MAGI2: variants seen among roughly 807,000 people sequenced by gnomAD.
MAGI2 encodes the protein membrane associated guanylate kinase, WW and PDZ domain containing 2.
In MAGI2, 35 loss-of-function variants were observed where a neutral mutation model predicts 133.3. The ratio of observed to expected loss-of-function variants is 0.26; its 90% CI spans 0.20 to 0.35. MAGI2 has a LOEUF of 0.35. MAGI2 is among the 10% of genes least tolerant of loss of function. The probability of loss-of-function intolerance (pLI) is 1.00; values close to 1 mark genes in which losing one functional copy is unlikely to be tolerated. For missense variants in MAGI2, 1,636 were observed against 1,863.4 expected (o/e 0.88, Z 2.25); for synonymous variants, 729 against 710.6 (o/e 1.03, Z -0.41).
At position 79,367,920 on chromosome 7, in the gene MAGI2, G is replaced by A. The variant is rs548541279; in HGVS notation, c.301+85100C>T. On this transcript the variant is annotated intron_variant, in intron 1 of 21. Transcript: ENST00000354212. ...TTCTTCAGAATTCATATCTACTTCA[G>A]ATAACAAGGGCTGAATAGAGCCCCA... is the stretch of plus-strand genomic sequence containing the variant. Among the ~76,000 whole-genome samples the A allele has an allele frequency of 5.9e-5, 8 of 136,298 alleles. No homozygotes were observed. In the South Asian group the frequency reaches 1.9e-3, roughly 33 times the overall value. The allele number at this position is 136,298 out of a possible 152,430, so 89.4% of individuals were successfully genotyped here. A position where few individuals can be genotyped will look rare whatever the true frequency, so the allele number is the denominator to read the frequency against.
intron 1 of MAGI2, among the ~76,000 whole-genome samples, chr7:79,391,532 T>TATAG (rs1554469588): frequency 1.6e-5 from 1 of 62,828 alleles, no homozygotes; most frequent in Non-Finnish European, 2.9e-5. Flanking sequence ...TATATATATA[T>TATAG]ATATAGACAT....
At chr7:78,980,770 C>T (rs182372234) in intron 2 of MAGI2, among the ~76,000 whole-genome samples, 91 of 151,360 alleles carry the variant, frequency 6.0e-4, no homozygotes, top group African/African-American at 2.1e-3. Flanking sequence ...GGTTCAGTTT[C>T]GTTTTTTGTT....
At chr7:79,174,793 AAAGT>A (rs1175343461) in intron 1 of MAGI2, among the ~76,000 whole-genome samples, 1 of 151,970 alleles carries the variant, frequency 6.6e-6, no homozygotes, top group Non-Finnish European at 1.5e-5. Context: ...TACTTTCAAA[AAAGT>A]AATTAATTAG....
chr7:78,173,386 C>T (rs2691527), intron 14 of MAGI2, among the ~76,000 whole-genome samples: 74,274 of 152,004 alleles, frequency 0.49, 18,275 homozygotes, highest in Admixed American at 0.51. Flanking sequence ...CTCCCTGTGA[C>T]TCAGTCATGC....
chr7:78,630,411 A>T (rs1418245518), intron 2 of MAGI2, among the ~76,000 whole-genome samples: 1 of 106,142 alleles, frequency 9.4e-6, no homozygotes, highest in African/African-American at 3.5e-5. Context: ...TTTTGTGTTT[A>T]ACTTTTTTTT....
rs1045559349 is a variant in MAGI2 at position 78,531,084 on chromosome 7, C to A, written c.539-9439G>T. 2.8e-4 allele frequency among the ~76,000 whole-genome samples: 42 copies of A among 151,902 alleles called. 1 individual carries two copies. The highest frequency in any genetic ancestry group is 6.6e-5 in the Admixed American group (1 of 15,248). ...AGGGAACTCAAGCAAAATGCAGATGCAAAGATATTTGGAAAACGGTACTGA... is the reference window on the plus strand; with the variant it reads ...AGGGAACTCAAGCAAAATGCAGATGAAAAGATATTTGGAAAACGGTACTGA... On this transcript the variant is annotated intron_variant, in intron 3 of 21. Coordinates refer to ENST00000354212, the MANE Select transcript of MAGI2 (RefSeq NM_012301.4).
intron 1 of MAGI2, among the ~76,000 whole-genome samples, chr7:79,110,110 A>T (rs1818799002): frequency 6.6e-6 from 1 of 151,786 alleles, no homozygotes; most frequent in Non-Finnish European, 1.5e-5. Context: ...GGAGAGCAAG[A>T]GTGAAGAAGG....
At chr7:78,126,193 G>GGTGTGTGTGT (rs3085805) in intron 19 of MAGI2, among the ~76,000 whole-genome samples, 31,145 of 148,916 alleles carry the variant, frequency 0.21, 3,402 homozygotes, top group Middle Eastern at 0.34. Flanking sequence ...ATAAATGTCA[G>GGTGTGTGTGT]GTGTGTGTGT....
At chr7:79,378,307 G>A (rs1235463685) in intron 1 of MAGI2, among the ~76,000 whole-genome samples, 1 of 151,796 alleles carries the variant, frequency 6.6e-6, no homozygotes, top group Admixed American at 6.6e-5. Context: ...CCAGTCACTT[G>A]TCTAACTGCT....
intron 7 of MAGI2, among the ~76,000 whole-genome samples, chr7:78,356,420 A>T (rs1792087743): frequency 6.6e-6 from 1 of 152,326 alleles, no homozygotes; most frequent in South Asian, 2.1e-4. Flanking sequence ...CCACTGTAGT[A>T]TGACTATAAT....
chr7:79,415,841 GA>G (rs374489800), intron 1 of MAGI2, among the ~76,000 whole-genome samples: 45 of 152,196 alleles, frequency 3.0e-4, no homozygotes, highest in East Asian at 1.7e-3. Context: ...AGATGGTTGA[GA>G]AAAAAAGAAT....
intron 1 of MAGI2, among the ~76,000 whole-genome samples, chr7:79,164,873 C>T (rs983985042): frequency 3.3e-5 from 5 of 152,110 alleles, no homozygotes; most frequent in Admixed American, 1.3e-4. Flanking sequence ...AGCCCATGGT[C>T]ACTCATATTT....
rs1828410722 is a variant in MAGI2 at position 79,199,625 on chromosome 7, T to C, written c.302-192419A>G. Among the ~76,000 whole-genome samples the C allele has an allele frequency of 2.0e-5, 3 of 152,088 alleles. No individual in the cohort carries two copies. In the South Asian group the frequency reaches 6.2e-4, roughly 31 times the overall value. On this transcript the variant is annotated intron_variant, in intron 1 of 21. Coordinates refer to ENST00000354212, the MANE Select transcript of MAGI2 (RefSeq NM_012301.4). ...AAAGTAAGTAAAAGTAAATCCTTTATAAATTATTTTACATCGAAATTTTAT... is the reference window on the plus strand; with the variant it reads ...AAAGTAAGTAAAAGTAAATCCTTTACAAATTATTTTACATCGAAATTTTAT...
chr7:78,526,500 A>G (rs1417296658), intron 3 of MAGI2, among the ~76,000 whole-genome samples: 9 of 152,216 alleles, frequency 5.9e-5, no homozygotes, highest in Admixed American at 5.9e-4. Flanking sequence ...GTACAACAAA[A>G]TGATACATAA....
At chr7:78,175,428 T>C (rs969229129) in intron 14 of MAGI2, among the ~76,000 whole-genome samples, 2 of 152,126 alleles carry the variant, frequency 1.3e-5, no homozygotes, top group African/African-American at 4.8e-5. Context: ...AGACTCCATC[T>C]GTCCTAGGCA....
At chr7:78,860,697 C>A (rs924220986) in intron 2 of MAGI2, among the ~76,000 whole-genome samples, 2 of 152,164 alleles carry the variant, frequency 1.3e-5, no homozygotes, top group African/African-American at 4.8e-5. Flanking sequence ...GGTTCTGGCA[C>A]CCCCTTGAGG....
At chr7:78,564,207 G>A (rs1442748115) in intron 3 of MAGI2, among the ~76,000 whole-genome samples, 5 of 152,242 alleles carry the variant, frequency 3.3e-5, no homozygotes, top group African/African-American at 9.6e-5. Flanking sequence ...GCTCTTCTGG[G>A]GAGTGAGGCT....
intron 2 of MAGI2, among the ~76,000 whole-genome samples, chr7:78,761,211 T>G: frequency 1.3e-5 from 2 of 152,296 alleles, no homozygotes; most frequent in East Asian, 1.9e-4. Flanking sequence ...AGATATTAAC[T>G]TGTAGTAAGC....
In MAGI2 at chr7:78,627,281, A is replaced by T. The variant is rs369340398; in HGVS notation, c.419-42T>A. ...AAAAACAAAAGAAAGACGCTAAGTG[A>T]TTTGTTGTTGAACTTTAGAAATACC... On this transcript the variant is annotated intron_variant, in intron 2 of 21. Transcript: ENST00000354212. 4.8e-5 allele frequency: 70 copies of T among 1,457,224 alleles called. No individual in the cohort carries two copies. In the African/African-American group the frequency reaches 9.6e-4, roughly 20 times the overall value. The allele number at this position is 1,457,224 out of a possible 1,614,324, so 90.3% of individuals were successfully genotyped here.
Sources: allele counts gnomAD v4.1 joint callset (sites outside exome capture counted in the v4.1 genomes callset), GRCh38; gene constraint gnomAD v4.1.1; transcripts MANE v1.5; gene names NCBI Gene and HGNC (gene_info 2026-07-23, HGNC 2026-07-21).